USH2A: variants seen among roughly 807,000 people sequenced by gnomAD.
The protein encoded by USH2A is Usher syndrome 2A (autosomal recessive, mild).
In USH2A, 443 loss-of-function variants were observed where a neutral mutation model predicts 538.9. The ratio of observed to expected loss-of-function variants is 0.82; its 90% CI spans 0.76 to 0.89. The LOEUF (loss-of-function observed/expected upper bound fraction) is 0.89, where lower values mean the gene tolerates loss of function less well. Among genes scored for constraint, USH2A ranks in the 40% least tolerant of loss-of-function variants. The pLI is 0.00. For missense variants in USH2A, 6,633 were observed against 6,324.8 expected, an observed-to-expected ratio of 1.05 and a Z score of -1.65; for synonymous variants, 2,413 against 2,273.5, an observed-to-expected ratio of 1.06 and a Z score of -1.75.
At chr1:215,731,419 T>C (rs1659991861) in intron 60 of USH2A, among the ~76,000 whole-genome samples, 1 of 152,226 alleles carries the variant, frequency 6.6e-6, no homozygotes, top group South Asian at 2.1e-4. Flanking sequence ...TTATTTAAGA[T>C]TTAAGCATCA....
At chr1:216,326,152 T>C (rs1022588587) in intron 5 of USH2A, among the ~76,000 whole-genome samples, 12 of 152,240 alleles carry the variant, frequency 7.9e-5, no homozygotes, top group Admixed American at 6.5e-4. Context: ...TAATGCTTCA[T>C]TGGCTTCAGA....
intron 4 of USH2A, among the ~76,000 whole-genome samples, chr1:216,347,231 A>G (rs534450168): frequency 6.6e-6 from 1 of 152,238 alleles, no homozygotes; most frequent in African/African-American, 2.4e-5. Flanking sequence ...CTAAAAAAGA[A>G]ATTTTATATA....
intron 4 of USH2A, among the ~76,000 whole-genome samples, chr1:216,362,458 G>A (rs889293120): frequency 1.3e-5 from 2 of 152,018 alleles, no homozygotes; most frequent in African/African-American, 4.8e-5. Flanking sequence ...AGTGTTTAAG[G>A]AAACAAGTAC....
Position 216,064,732 on chromosome 1 carries a change from C to T in USH2A, c.6049+5369G>A, listed in dbSNP as rs144533608. Among the ~76,000 whole-genome samples, 181 of 152,226 alleles carry T rather than the reference C, an allele frequency of 1.2e-3. 1 individual carries two copies. The highest frequency in any genetic ancestry group is 4.0e-3 in the African/African-American group (165 of 41,542). Reference sequence around the variant, plus strand: ...CTTACCATTGAGTTATAGTTCCCTACACTATTCAATAGAGTAACATGCTGT... The same window carrying T: ...CTTACCATTGAGTTATAGTTCCCTATACTATTCAATAGAGTAACATGCTGT... On this transcript the variant is annotated intron_variant, in intron 30 of 71. Transcript: ENST00000307340.
chr1:216,318,456 C>T (rs2037547378), intron 9 of USH2A, among the ~76,000 whole-genome samples: 1 of 152,124 alleles, frequency 6.6e-6, no homozygotes, highest in Admixed American at 6.5e-5. Flanking sequence ...TGAATGGTAA[C>T]AAAGGAGAAT....
At position 216,403,508 on chromosome 1, in the gene USH2A, G is replaced by T. The variant is rs1186509454; in HGVS notation, c.651+15006C>A. ...TGCTCCAAATTCAGATGTCATGATT[G>T]TCTATGTAGAAAATTCCAACAAATA... On this transcript the variant is annotated intron_variant, in intron 3 of 71. Coordinates refer to ENST00000307340, the MANE Select transcript of USH2A (RefSeq NM_206933.4). Among the ~76,000 whole-genome samples, 3 of 152,134 alleles carry T rather than the reference G, an allele frequency of 2.0e-5. No homozygotes were observed. The East Asian group carries it at 5.8e-4, about 29-fold the overall frequency.
At chr1:216,339,401 T>G (rs2038033178) in intron 4 of USH2A, among the ~76,000 whole-genome samples, 1 of 151,716 alleles carries the variant, frequency 6.6e-6, no homozygotes, top group African/African-American at 2.4e-5. Flanking sequence ...TTTTAATCTA[T>G]AAGAATGGCA....
chr1:215,888,196 C>A (rs758356600), intron 41 of USH2A, among the ~76,000 whole-genome samples: 3 of 151,950 alleles, frequency 2.0e-5, no homozygotes, highest in Admixed American at 6.6e-5. Flanking sequence ...TTCAGGTGTG[C>A]GAGGCAAATG....
intron 44 of USH2A, among the ~76,000 whole-genome samples, chr1:215,847,132 C>G (rs928131701): frequency 6.6e-6 from 1 of 152,170 alleles, no homozygotes; most frequent in African/African-American, 2.4e-5. Flanking sequence ...CCCAATTTAT[C>G]CATTCTTTTC....
chr1:215,739,006 T>C (rs1343340693), intron 60 of USH2A, among the ~76,000 whole-genome samples: 1 of 152,224 alleles, frequency 6.6e-6, no homozygotes, highest in Non-Finnish European at 1.5e-5. Context: ...TGTTGTTGTC[T>C]AAGCACATTT....
chr1:216,012,163 C>T (rs1477783594), intron 32 of USH2A, among the ~76,000 whole-genome samples: 8 of 135,324 alleles, frequency 5.9e-5, no homozygotes, highest in Non-Finnish European at 1.3e-4. Context: ...GGCAGTTCCA[C>T]CAGGCCTAAT....
At chr1:216,366,847 G>A (rs1381261046) in intron 3 of USH2A, among the ~76,000 whole-genome samples, 2 of 152,066 alleles carry the variant, frequency 1.3e-5, no homozygotes, top group Non-Finnish European at 1.5e-5. Flanking sequence ...GCTTTGTTGG[G>A]TAGTAGGGCT....
intron 41 of USH2A, among the ~76,000 whole-genome samples, chr1:215,885,686 C>A (rs999013921): frequency 6.6e-6 from 1 of 152,196 alleles, no homozygotes; most frequent in African/African-American, 2.4e-5. Context: ...CATATCACCT[C>A]TTTTAGTACT....
rs377590690 is a variant in USH2A at position 215,865,462 on chromosome 1, C to G, written c.8845+1545G>C. Among the ~76,000 whole-genome samples, 8 of 152,210 alleles carry G rather than the reference C, an allele frequency of 5.3e-5. No individual in the cohort carries two copies. The East Asian group carries it at 1.5e-3, about 29-fold the overall frequency. ...AGGACCTATATTGGTGGAAATTCAC[C>G]AGCCGGATCTTAACAGAAGTATTCA... On this transcript the variant is annotated intron_variant, in intron 44 of 71. Transcript: ENST00000307340.
At chr1:215,662,877 A>G (rs555379110) in intron 64 of USH2A, among the ~76,000 whole-genome samples, 1 of 152,204 alleles carries the variant, frequency 6.6e-6, no homozygotes, top group African/African-American at 2.4e-5. Flanking sequence ...AAAACTAAAC[A>G]GAAAATGTGT....
intron 32 of USH2A, among the ~76,000 whole-genome samples, chr1:216,022,413 T>A (rs1007156334): frequency 6.6e-6 from 1 of 152,082 alleles, no homozygotes; most frequent in Non-Finnish European, 1.5e-5. Flanking sequence ...CGAAAGCCCA[T>A]GCACTGGAAA....
At chr1:215,673,162 A>C (rs942494998) in intron 63 of USH2A, among the ~76,000 whole-genome samples, 11 of 152,298 alleles carry the variant, frequency 7.2e-5, no homozygotes, top group Admixed American at 7.2e-4. Flanking sequence ...ATTACTGTTT[A>C]ATATTTAATA....
chr1:216,394,975 C>T (rs2039184062), intron 3 of USH2A, among the ~76,000 whole-genome samples: 1 of 152,112 alleles, frequency 6.6e-6, no homozygotes, highest in South Asian at 2.1e-4. Flanking sequence ...GCCTCGGCCT[C>T]CCAAAGTGCT....
Position 215,838,026 on chromosome 1 carries a change from A to T in USH2A, c.9336T>A (p.Asp3112Glu). 1 of 1,614,086 alleles carries T rather than the reference A, an allele frequency of 6.2e-7. No homozygotes were observed. Among genetic ancestry groups the T allele is most frequent in the South Asian group, 1.1e-5 (1 of 91,086 alleles). ...TGCCACGAATTGTGGGTGTTGGTATATCACTTGGAGTGTCTTCCACAGTGG... is the reference window on the plus strand; with the variant it reads ...TGCCACGAATTGTGGGTGTTGGTATTTCACTTGGAGTGTCTTCCACAGTGG... ...QITTVEDTPSDIPTPTIRGIT... is the reference protein window; with the variant it reads ...QITTVEDTPSEIPTPTIRGIT... The change falls in exon 47 of 72, where the codon GAT (aspartate) becomes GAA (glutamate). Residue 3112 changes from aspartate to glutamate, a missense_variant. Coordinates refer to ENST00000307340, the MANE Select transcript of USH2A (RefSeq NM_206933.4).
Sources: allele counts gnomAD v4.1 joint callset (sites outside exome capture counted in the v4.1 genomes callset), GRCh38; gene constraint gnomAD v4.1.1; transcripts MANE v1.5; gene names NCBI Gene and HGNC (gene_info 2026-07-23, HGNC 2026-07-21).